Variants in MAS1 observed in about 807,000 individuals in gnomAD.
MAS1 encodes proto-oncogene Mas.
For synonymous variants in MAS1, 163 were observed against 164.2 expected (o/e 0.99, Z 0.05); for missense variants, 387 against 409.7 (o/e 0.94, Z 0.48).
chr6:159,904,223 A>G (rs1206720743), intron 2 of MAS1, among the ~76,000 whole-genome samples: 1 of 151,940 alleles, frequency 6.6e-6, no homozygotes, highest in Non-Finnish European at 1.5e-5. Context: ...AATGGCCCGT[A>G]TTTCACAGAT....
At chr6:159,899,849 C>A (rs938794578) in intron 2 of MAS1, among the ~76,000 whole-genome samples, 2 of 152,066 alleles carry the variant, frequency 1.3e-5, no homozygotes, top group Admixed American at 6.5e-5. Flanking sequence ...AGTTCATGAC[C>A]AGTCTGGCCA....
intron 2 of MAS1, among the ~76,000 whole-genome samples, chr6:159,903,049 C>G (rs895433782): frequency 2.6e-5 from 4 of 152,164 alleles, no homozygotes; most frequent in African/African-American, 9.7e-5. Flanking sequence ...CAAAACTACA[C>G]TGCCCCAGGC....
At chr6:159,901,514 G>A (rs1782821697) in intron 2 of MAS1, among the ~76,000 whole-genome samples, 1 of 152,156 alleles carries the variant, frequency 6.6e-6, no homozygotes, top group African/African-American at 2.4e-5. Flanking sequence ...GGGGAGGATT[G>A]CTTGGGCCTA....
intron 1 of MAS1, among the ~76,000 whole-genome samples, chr6:159,897,196 G>A (rs956904700): frequency 6.6e-6 from 1 of 152,090 alleles, no homozygotes; most frequent in Non-Finnish European, 1.5e-5. Context: ...TTTTTTTAAG[G>A]ATAATTTGGT....
chr6:159,892,302 G>A (rs1782708397), intron 1 of MAS1, among the ~76,000 whole-genome samples: 1 of 152,294 alleles, frequency 6.6e-6, no homozygotes, highest in African/African-American at 2.4e-5. Context: ...ACACAGGGAA[G>A]AATTTGCCCT....
At chr6:159,904,538 A>G (rs1383207455) in intron 2 of MAS1, among the ~76,000 whole-genome samples, 1 of 152,168 alleles carries the variant, frequency 6.6e-6, no homozygotes, top group Non-Finnish European at 1.5e-5. Context: ...TACCTCTGCC[A>G]CAACCTGATT....
At chr6:159,898,628 CTCT>C (rs373605955) in intron 1 of MAS1, among the ~76,000 whole-genome samples, 1,278 of 70,138 alleles carry the variant, frequency 0.018, 91 homozygotes, top group South Asian at 0.028. Context: ...CTCCTCCTCC[CTCT>C]TCTTCCTCCT....
chr6:159,907,976 T>A lies in MAS1; in HGVS notation c.*43T>A. On this transcript the variant is annotated 3_prime_UTR_variant, in exon 3 of 3. Transcript: ENST00000674077. ...GTGGATAAAAATGGTGGAACACAGG[T>A]CATTTTTAGTTTGTGCTTGGAATAT... is the stretch of plus-strand genomic sequence containing the variant. The A allele has an allele frequency of 2.6e-6, 4 of 1,537,226 alleles. No homozygotes were observed. Among genetic ancestry groups the A allele is most frequent in the Non-Finnish European group, 3.5e-6 (4 of 1,144,090 alleles).
rs1782895563 is a variant in MAS1, at chr6:159,907,016, A to C, written c.61A>C (p.Arg21=). The change falls in exon 3 of 3, where the codon AGG becomes CGG. Residue 21 remains arginine (R), a synonymous_variant. Coordinates refer to ENST00000674077, the MANE Select transcript of MAS1 (RefSeq NM_002377.4). The part of the protein sequence containing the change: ...VEEPTNISTG[R]NASVGNAHRQ... ...GGAACCCACGAACATCTCAACTGGC[A>C]GGAACGCCTCAGTCGGGAATGCACA... 6.2e-7 allele frequency: 1 copy of C among 1,613,490 alleles called. No homozygotes were observed. Among genetic ancestry groups the C allele is most frequent in the Middle Eastern group, 1.7e-4 (1 of 6,058 alleles).
chr6:159,907,488 G>C lies in MAS1; in HGVS notation c.533G>C (p.Ser178Thr). The change falls in exon 3 of 3, where the codon AGT (serine) becomes ACT (threonine). Residue 178 changes from serine to threonine, a missense_variant. Physicochemically the swap from Ser to Thr is moderately conservative, Grantham distance 58. Transcript: ENST00000674077. ...YVMCIDREEE[S>T]HSRNDCRAVI... ...ATGTGCATCGACAGAGAAGAAGAGA[G>C]TCACTCTCGGAATGACTGCCGAGCA... 1.2e-6 allele frequency: 2 copies of C among 1,613,992 alleles called. No homozygotes were observed. Among genetic ancestry groups the C allele is most frequent in the South Asian group, 2.2e-5 (2 of 91,080 alleles).
At chr6:159,891,806 G>A (rs983243776) in intron 1 of MAS1, among the ~76,000 whole-genome samples, 1 of 152,198 alleles carries the variant, frequency 6.6e-6, no homozygotes, top group East Asian at 1.9e-4. Context: ...AGAATGTATA[G>A]TGTGTTGTTA....
chr6:159,898,502 C>T (rs112982309), intron 1 of MAS1, among the ~76,000 whole-genome samples: 1 of 147,698 alleles, frequency 6.8e-6, no homozygotes, highest in African/African-American at 2.6e-5. Context: ...CCTCCTCCTC[C>T]TCCTCCTCCT....
chr6:159,897,525 A>G (rs1179968770), intron 1 of MAS1, among the ~76,000 whole-genome samples: 2 of 152,208 alleles, frequency 1.3e-5, no homozygotes, highest in South Asian at 2.1e-4. Context: ...TTAGTCTTAC[A>G]AAGGCATTCT....
chr6:159,912,122 T>C lies in MAS1; in HGVS notation c.*4189T>C, dbSNP rs1191010049. 1 of 152,312 alleles carries C rather than the reference T, an allele frequency of 6.6e-6. No individual in the cohort carries two copies. The highest frequency in any genetic ancestry group is 6.5e-5 in the Admixed American group (1 of 15,290). 9.4% of individuals were successfully genotyped at this position (152,312 alleles called of 1,614,324 possible). On this transcript the variant is annotated 3_prime_UTR_variant, in exon 3 of 3. Coordinates refer to ENST00000674077, the MANE Select transcript of MAS1 (RefSeq NM_002377.4). ...CTGGTTGTTTCTCTGGAGACAGCAT[T>C]GTATGCACTGAGATGAGCAACTGGA...
rs1782965764 is a variant in MAS1 at position 159,911,593 on chromosome 6, A to T, written c.*3660A>T. 6.6e-6 allele frequency: 1 copy of T among 151,338 alleles called. No homozygotes were observed. The highest frequency in any genetic ancestry group is 1.5e-5 in the Non-Finnish European group (1 of 67,860). The allele number at this position is 151,338 out of a possible 1,614,324, so 9.4% of individuals were successfully genotyped here. On this transcript the variant is annotated 3_prime_UTR_variant, in exon 3 of 3. Coordinates refer to ENST00000674077, the MANE Select transcript of MAS1 (RefSeq NM_002377.4). Reference sequence around the variant, plus strand: ...TGCACAGACTGCTCTACCTTTTTTTAATCTAGCAAACTCCATTTATCCATC... The same window carrying T: ...TGCACAGACTGCTCTACCTTTTTTTTATCTAGCAAACTCCATTTATCCATC...
Position 159,907,580 on chromosome 6 carries a change from A to G in MAS1, c.625A>G (p.Ile209Val), listed in dbSNP as rs138897768. ...FTPLMLVSST[I>V]LVVKIRKNTW... Reference sequence around the variant, plus strand: ...GCCCCTCATGCTGGTGTCCAGCACCATCTTGGTCGTGAAGATCCGGAAGAA... The same window carrying G: ...GCCCCTCATGCTGGTGTCCAGCACCGTCTTGGTCGTGAAGATCCGGAAGAA... The change falls in exon 3 of 3, where the codon ATC becomes GTC. Residue 209 changes from isoleucine to valine, a missense_variant. By Grantham distance (29) the Ile-to-Val change is conservative (BLOSUM62 3). Coordinates refer to ENST00000674077, the MANE Select transcript of MAS1 (RefSeq NM_002377.4). 3 of 1,613,954 alleles carry G rather than the reference A, an allele frequency of 1.9e-6. No individual in the cohort carries two copies. Among genetic ancestry groups the G allele is most frequent in the Non-Finnish European group, 2.5e-6 (3 of 1,179,990 alleles).
intron 2 of MAS1, among the ~76,000 whole-genome samples, chr6:159,904,327 A>G (rs1265646377): frequency 3.9e-5 from 6 of 151,984 alleles, no homozygotes; most frequent in Non-Finnish European, 7.4e-5. Flanking sequence ...TACCCAAGCT[A>G]CAACTTTCCT....
rs141854893 is a variant in MAS1, at chr6:159,908,291, C to T, written c.*358C>T. 24 of 165,482 alleles carry T rather than the reference C, an allele frequency of 1.5e-4. No homozygotes were observed. Among genetic ancestry groups the T allele is most frequent in the Admixed American group, 2.5e-4 (4 of 15,900 alleles). 10.3% of individuals were successfully genotyped at this position (165,482 alleles called of 1,614,324 possible). On this transcript the variant is annotated 3_prime_UTR_variant, in exon 3 of 3. Coordinates refer to ENST00000674077, the MANE Select transcript of MAS1 (RefSeq NM_002377.4). ...GTAGCAGGAAGAACAAGGGTCGCTT[C>T]CTGTGTGACCTCAGGCAAGTTGTTA...
intron 2 of MAS1, among the ~76,000 whole-genome samples, chr6:159,901,292 C>T (rs918503409): frequency 5.3e-5 from 8 of 152,078 alleles, no homozygotes; most frequent in South Asian, 2.1e-4. Flanking sequence ...AACACAATTC[C>T]GTCCACAACA....
Sources: gnomAD v4.1 joint callset for allele counts (sites outside exome capture counted in the v4.1 genomes callset) on GRCh38, gnomAD v4.1.1 for gene constraint, MANE v1.5 for transcripts, NCBI Gene and HGNC (gene_info 2026-07-23, HGNC 2026-07-21) for gene names.